The following MYO15B variants were observed in gnomAD, a reference collection of about 807,000 sequenced individuals.
The protein encoded by MYO15B is myosin XVB pseudogene.
In MYO15B, 207 loss-of-function variants were observed where a neutral mutation model predicts 119.3. The ratio of observed to expected loss-of-function variants is 1.73; its 90% CI spans 1.55 to 1.95. The LOEUF (loss-of-function observed/expected upper bound fraction) is 1.95, where lower values mean the gene tolerates loss of function less well. MYO15B is among the 30% of genes most tolerant of loss of function. The pLI, the probability that MYO15B is intolerant of heterozygous loss-of-function variation, is 0.00. For missense variants in MYO15B, 2,264 were observed against 1,203.1 expected (o/e 1.88, Z -13.04); for synonymous variants, 966 against 498.9 (o/e 1.94, Z -12.48).
At chr17:75,625,430 C>G in intron 60 of MYO15B, 97 bp from the exon 61 acceptor site, 1 of 673,742 alleles carries the variant, frequency 1.5e-6, no homozygotes, top group South Asian at 1.6e-5. Context: ...GATGTCTAGT[C>G]TTGCCCACAA....
chr17:75,598,476 G>T (rs1444842139), intron 14 of MYO15B, among the ~76,000 whole-genome samples: 8 of 149,382 alleles, frequency 5.4e-5, no homozygotes, highest in African/African-American at 1.7e-4. Context: ...TACTGGGGAG[G>T]CTGAGGCAGG....
At chr17:75,600,451 T>C (rs948276964) in intron 14 of MYO15B, among the ~76,000 whole-genome samples, 27 of 150,686 alleles carry the variant, frequency 1.8e-4, no homozygotes, top group African/African-American at 6.1e-4. Context: ...TTTGTTTAAG[T>C]ACTTACTTAT....
chr17:75,610,367 G>A (rs956365798), intron 22 of MYO15B, 108 bp downstream of exon 22: 1 of 570,964 alleles, frequency 1.8e-6, no homozygotes, highest in Non-Finnish European at 3.1e-6. Context: ...CCTCGCACGG[G>A]CTGTGGCTTC....
exon 16 of MYO15B, chr17:75,602,559 G>C (rs1481959625): frequency 4.3e-6 from 3 of 694,334 alleles, no homozygotes; most frequent in Non-Finnish European, 2.6e-6. Flanking sequence ...GCTGGACCCT[G>C]CTGTGGTGGA....
chr17:75,603,339 C>G (rs1365697559), intron 19 of MYO15B, 27 bp downstream of exon 19: 9 of 701,912 alleles, frequency 1.3e-5, no homozygotes, highest in African/African-American at 3.5e-5. Flanking sequence ...CGGGGCAGGA[C>G]TGACAAGGAG....
At chr17:75,602,563 T>G (rs2057352568) in exon 16 of MYO15B, 1 of 691,450 alleles carries the variant, frequency 1.4e-6, no homozygotes, top group African/African-American at 1.8e-5. Context: ...GACCCTGCTG[T>G]GGTGGAGATG....
At chr17:75,621,470 CA>C (rs774445849) in intron 51 of MYO15B, 30 bp from the exon 52 acceptor site, 5 of 700,650 alleles carry the variant, frequency 7.1e-6, no homozygotes, top group Non-Finnish European at 1.3e-5. Context: ...CACGGCCCCC[CA>C]GACCCATGGC....
At position 75,592,849 on chromosome 17, in the gene MYO15B, C is replaced by A. The variant is rs552734058; in HGVS notation, c.2991+9C>A. ...GCTTCTCCTCCTCAGAGGTGGGCTTCCCCGTGGGCAGGGGCCATCTGGGGT... is the reference window on the plus strand; with the variant it reads ...GCTTCTCCTCCTCAGAGGTGGGCTTACCCGTGGGCAGGGGCCATCTGGGGT... On this transcript the variant is annotated intron_variant, in intron 9 of 63. Transcript: ENST00000645453. 15 of 699,954 alleles carry A rather than the reference C, an allele frequency of 2.1e-5. No homozygotes were observed. The South Asian group carries it at 2.2e-4, about 10-fold the overall frequency. 43.4% of individuals were successfully genotyped at this position (699,954 alleles called of 1,614,324 possible).
At position 75,621,190 on chromosome 17, in the gene MYO15B, G is replaced by C; in HGVS notation, c.7871+14G>C. ...GTCCCAGGCCTTGTGAGTGCACTGGGCCAACCCCTGTGCCTGTCTGTCCTC... is the reference window on the plus strand; with the variant it reads ...GTCCCAGGCCTTGTGAGTGCACTGGCCCAACCCCTGTGCCTGTCTGTCCTC... On this transcript the variant is annotated intron_variant, in intron 50 of 63. Coordinates refer to ENST00000645453, the Ensembl canonical transcript of MYO15B. The C allele has an allele frequency of 1.5e-6, 1 of 682,000 alleles. No individual in the cohort carries two copies. The highest frequency in any genetic ancestry group is 2.7e-6 in the Non-Finnish European group (1 of 373,268). The allele number at this position is 682,000 out of a possible 1,614,324, so 42.2% of individuals were successfully genotyped here. A position where few individuals can be genotyped will look rare whatever the true frequency, so the allele number is the denominator to read the frequency against.
chr17:75,617,743 C>T (rs2058465783), intron 41 of MYO15B, 67 bp from the exon 42 acceptor site: 1 of 655,866 alleles, frequency 1.5e-6, no homozygotes, highest in Admixed American at 2.1e-5. Flanking sequence ...GGTCTTCCCT[C>T]CCGTGCCCCC....
intron 19 of MYO15B, among the ~76,000 whole-genome samples, chr17:75,603,627 AGT>A (rs1205847039): frequency 6.6e-6 from 1 of 150,728 alleles, no homozygotes; most frequent in African/African-American, 2.4e-5. Flanking sequence ...CTCACGGTCT[AGT>A]GCCCACAGCA....
intron 6 of MYO15B, 42 bp from the exon 7 acceptor site, chr17:75,592,196 T>C: frequency 1.4e-6 from 1 of 702,194 alleles, no homozygotes; most frequent in Non-Finnish European, 2.6e-6. Context: ...CCCCTGGGTG[T>C]TCTGCATCCT....
intron 15 of MYO15B, 40 bp from the exon 16 acceptor site, chr17:75,602,477 C>G: frequency 2.8e-6 from 2 of 702,996 alleles, no homozygotes; most frequent in Non-Finnish European, 5.2e-6. Context: ...GTTCTCCTCC[C>G]TTTCTCCACT....
exon 26 of MYO15B, chr17:75,612,832 C>T (rs745704737): frequency 6.0e-5 from 42 of 702,910 alleles, no homozygotes; most frequent in Middle Eastern, 4.6e-4. Context: ...CAGCCACTGG[C>T]GAAGCCCCTA....
chr17:75,617,801 C>G lies in MYO15B; in HGVS notation c.6815-9C>G, dbSNP rs1172417927. The G allele has an allele frequency of 1.3e-5, 9 of 699,316 alleles. No homozygotes were observed. The highest frequency in any genetic ancestry group is 2.1e-5 in the Non-Finnish European group (8 of 382,482). The allele number at this position is 699,316 out of a possible 1,614,324, so 43.3% of individuals were successfully genotyped here. A position where few individuals can be genotyped will look rare whatever the true frequency, so the allele number is the denominator to read the frequency against. ...TCACTGAGGCTCCTCACCCCCTCCT[C>G]TCTGCCAGGCTTGACACAGCCCGTG... On this transcript the variant is annotated splice_polypyrimidine_tract_variant and intron_variant, in intron 41 of 63. Transcript: ENST00000645453.
intron 60 of MYO15B, 89 bp from the exon 61 acceptor site, chr17:75,625,438 C>A: frequency 1.5e-6 from 1 of 680,896 alleles, no homozygotes; most frequent in East Asian, 2.7e-5. Context: ...GTCTTGCCCA[C>A]AATAGGCACT....
In MYO15B at chr17:75,615,516, G is replaced by A. The variant is rs527304527; in HGVS notation, c.5754G>A (p.Pro1918=). The change falls in exon 35 of 64, where the codon CCG becomes CCA. Residue 1918 remains proline (P), a synonymous_variant. Coordinates refer to ENST00000645453, the Ensembl canonical transcript of MYO15B. ...CCGCCCTCACAGCCATGGTGGTGCC[G>A]CCGCAGCCACCGCTTCCCAGCCTGG... The A allele has an allele frequency of 3.4e-4, 239 of 697,390 alleles. No homozygotes were observed. In the African/African-American group the frequency reaches 3.9e-3, roughly 11 times the overall value. 43.2% of individuals were successfully genotyped at this position (697,390 alleles called of 1,614,324 possible).
chr17:75,611,242 G>A (rs1267773169), intron 23 of MYO15B, among the ~76,000 whole-genome samples: 1 of 151,954 alleles, frequency 6.6e-6, no homozygotes. Context: ...TGTGAGGATT[G>A]CTTGAGCCCA....
exon 1 of MYO15B, chr17:75,588,566 G>A (rs1430256512): frequency 5.0e-6 from 2 of 398,844 alleles, no homozygotes; most frequent in Non-Finnish European, 8.8e-6. Context: ...GCCCAGGAGA[G>A]CGGCAGCCAG....
Sources: gnomAD v4.1 joint callset for allele counts (sites outside exome capture counted in the v4.1 genomes callset) on GRCh38, gnomAD v4.1.1 for gene constraint, MANE v1.5 for transcripts, NCBI Gene and HGNC (gene_info 2026-07-23, HGNC 2026-07-21) for gene names.